The following KDM4B variants were observed in gnomAD, a reference collection of about 807,000 sequenced individuals.
KDM4B encodes lysine demethylase 4B.
In KDM4B, 32 loss-of-function variants were observed where a neutral mutation model predicts 125.2. The ratio of observed to expected loss-of-function variants is 0.26; its 90% CI spans 0.19 to 0.34. The LOEUF is 0.34. Ranked by LOEUF, KDM4B falls within the 10% of genes least tolerant of loss-of-function variation. KDM4B has a pLI of 1.00. For missense variants in KDM4B, 1,190 were observed against 1,577.7 expected, an observed-to-expected ratio of 0.75 and a Z score of 4.16; for synonymous variants, 721 against 677.9, an observed-to-expected ratio of 1.06 and a Z score of -0.99.
chr19:5,002,219 A>G lies in KDM4B; in HGVS notation c.-108-14038A>G, dbSNP rs557883530. Among the ~76,000 whole-genome samples, 7 of 152,340 alleles carry G rather than the reference A, an allele frequency of 4.6e-5. No individual in the cohort carries two copies. The South Asian group carries it at 8.3e-4, about 18-fold the overall frequency. On this transcript the variant is annotated intron_variant, in intron 1 of 22. Coordinates refer to ENST00000159111, the MANE Select transcript of KDM4B (RefSeq NM_015015.3). ...CGCCATGTTGGTCAGGCTGGTCTCAAAATCCTGACCTCAGGTGATTCACCG... is the reference window on the plus strand; with the variant it reads ...CGCCATGTTGGTCAGGCTGGTCTCAGAATCCTGACCTCAGGTGATTCACCG...
chr19:5,035,873 G>GTA lies in KDM4B; in HGVS notation c.141+2843_141+2844insAT, dbSNP rs2036602003. Among the ~76,000 whole-genome samples, 1 of 95,032 alleles carries GTA rather than the reference G, an allele frequency of 1.1e-5. No homozygotes were observed. Among genetic ancestry groups the GTA allele is most frequent in the Non-Finnish European group, 2.5e-5 (1 of 39,330 alleles). 62.3% of individuals were successfully genotyped at this position (95,032 alleles called of 152,430 possible). On this transcript the variant is annotated intron_variant, in intron 3 of 22. Coordinates refer to ENST00000159111, the MANE Select transcript of KDM4B (RefSeq NM_015015.3). This position sits in a 1 kb window ranked among gnomAD's most constrained non-coding sequence, Gnocchi z 5.3. ...TGTGTGCACGTGTCTCTGTGTGTGT[G>GTA]TGTGTGTGCGCGCGCGCGCGCGCCT...
chr19:5,046,336 C>T (rs552088440), intron 5 of KDM4B, among the ~76,000 whole-genome samples: 11 of 152,364 alleles, frequency 7.2e-5, no homozygotes, highest in East Asian at 3.9e-4. Context: ...GATGAATTTG[C>T]GCCCAGCTCA....
chr19:5,114,199 G>T lies in KDM4B; in HGVS notation c.1115+3381G>T. 1.6e-6 allele frequency: 2 copies of T among 1,289,688 alleles called. No individual in the cohort carries two copies. The highest frequency in any genetic ancestry group is 2.0e-6 in the Non-Finnish European group (2 of 988,844). The allele number at this position is 1,289,688 out of a possible 1,614,324, so 79.9% of individuals were successfully genotyped here. ...TGCAAACTCTTTCCACGCGAGAAGC[G>T]CCATGTGCACGTGCTCCAGCAGGTA... On this transcript the variant is annotated intron_variant, in intron 10 of 22. Transcript: ENST00000159111. This position sits in a 1 kb window ranked among gnomAD's most constrained non-coding sequence, Gnocchi z 5.8.
At chr19:5,097,913 G>A (rs777573854) in intron 9 of KDM4B, among the ~76,000 whole-genome samples, 1 of 152,224 alleles carries the variant, frequency 6.6e-6, no homozygotes, top group South Asian at 2.1e-4. Context: ...CAGAGCCGTC[G>A]TGGACCTGGG....
chr19:5,139,227 A>G (rs1486182261), intron 18 of KDM4B, among the ~76,000 whole-genome samples: 1 of 152,018 alleles, frequency 6.6e-6, no homozygotes, highest in African/African-American at 2.4e-5. Flanking sequence ...CATTTGGCAT[A>G]GTTTCCTCAA....
At chr19:5,083,917 A>G (rs1169405527) in intron 9 of KDM4B, among the ~76,000 whole-genome samples, 1 of 152,214 alleles carries the variant, frequency 6.6e-6, no homozygotes, top group Non-Finnish European at 1.5e-5. Flanking sequence ...CCACAGGGCC[A>G]GATCCGGATT....
In KDM4B at chr19:5,078,948, C is replaced by G. The variant is rs372057939; in HGVS notation, c.780+1478C>G. 3 of 152,144 alleles carry G rather than the reference C, an allele frequency of 2.0e-5. No homozygotes were observed. Among genetic ancestry groups the G allele is most frequent in the Admixed American group, 6.5e-5 (1 of 15,270 alleles). The allele number at this position is 152,144 out of a possible 1,614,324, so 9.4% of individuals were successfully genotyped here. The stretch of plus-strand genomic sequence containing the variant: ...TGCAGCGAACAGCACCCTGTGCCGC[C>G]CGGCCTGGGGACCGTCCTTCAGCCT... On this transcript the variant is annotated intron_variant, in intron 8 of 22. Transcript: ENST00000159111. The surrounding 1 kb of genome is among the most constrained non-coding windows in gnomAD (Gnocchi z 4.5).
At chr19:4,984,215 C>G (rs1330790354) in intron 1 of KDM4B, among the ~76,000 whole-genome samples, 1 of 152,194 alleles carries the variant, frequency 6.6e-6, no homozygotes, top group African/African-American at 2.4e-5. Flanking sequence ...GTGGCGCTGG[C>G]CAGGTTGGGC....
intron 1 of KDM4B, among the ~76,000 whole-genome samples, chr19:4,981,729 G>A (rs2034650045): frequency 6.6e-6 from 1 of 152,186 alleles, no homozygotes; most frequent in South Asian, 2.1e-4. Context: ...CTTCCCACCT[G>A]CTCTGCAGTG....
chr19:5,099,232 G>A (rs2038885417), intron 9 of KDM4B, among the ~76,000 whole-genome samples: 1 of 152,198 alleles, frequency 6.6e-6, no homozygotes, highest in Non-Finnish European at 1.5e-5. Context: ...GATGCTGAGA[G>A]GCCAAAGAAA....
intron 1 of KDM4B, among the ~76,000 whole-genome samples, chr19:5,005,964 GT>G (rs2035544026): frequency 6.6e-6 from 1 of 152,166 alleles, no homozygotes; most frequent in East Asian, 1.9e-4. Flanking sequence ...TCTCATCCCA[GT>G]GGTCTCGTGC....
chr19:4,986,860 A>G lies in KDM4B; in HGVS notation c.-109+17630A>G, dbSNP rs897567550. On this transcript the variant is annotated intron_variant, in intron 1 of 22. Coordinates refer to ENST00000159111, the MANE Select transcript of KDM4B (RefSeq NM_015015.3). ...AGCAGAGAGGACTGCAGGGGCACAG[A>G]GGCCGGAGCAGCAGTGCCTGCTGCC... Among the ~76,000 whole-genome samples, 4 of 152,246 alleles carry G rather than the reference A, an allele frequency of 2.6e-5. No homozygotes were observed. The East Asian group carries it at 7.7e-4, about 29-fold the overall frequency.
rs558312195 is a variant in KDM4B at position 5,009,889 on chromosome 19, G to A, written c.-108-6368G>A. On this transcript the variant is annotated intron_variant, in intron 1 of 22. Transcript: ENST00000159111. ...TGGGATTACAGGTGCCTTCCACTAC[G>A]CCTGGCTAACTTTTGTATTTTTAGT... Among the ~76,000 whole-genome samples the A allele has an allele frequency of 5.9e-5, 9 of 152,080 alleles. No homozygotes were observed. In the South Asian group the frequency reaches 1.2e-3, roughly 21 times the overall value.
intron 6 of KDM4B, among the ~76,000 whole-genome samples, chr19:5,062,797 T>A (rs951661173): frequency 2.2e-4 from 29 of 133,396 alleles, no homozygotes; most frequent in African/African-American, 7.4e-4. Flanking sequence ...TTTTTTTTTT[T>A]AGAGATAGAG....
At chr19:4,969,257 C>CGTGTCCGAGCGCGGACCCCGCCGCCATG (rs1568194686) in intron 1 of KDM4B, 27 bp downstream of exon 1, 1 of 147,156 alleles carries the variant, frequency 6.8e-6, no homozygotes, top group East Asian at 2.0e-4. Flanking sequence ...GCCGCCCGGC[C>CGTGTCCGAGCGCGGACCCCGCCGCCATG]GTGTCCGAGC....
intron 11 of KDM4B, among the ~76,000 whole-genome samples, chr19:5,127,364 G>T (rs1038710214): frequency 5.9e-5 from 9 of 152,208 alleles, no homozygotes; most frequent in Non-Finnish European, 1.0e-4. Context: ...GTCTTTCAGG[G>T]TGTCCTTCCT....
Position 5,137,986 on chromosome 19 carries a change from C to T in KDM4B, c.2466C>T (p.Ile822=), listed in dbSNP as rs200085263. ...GGTGGATCCACGTGATCTGTGCCAT[C>T]GCAGTCCCCGAGGCGCGCTTCCTGA... The part of the protein sequence containing the change: ...DRRWIHVICA[I]AVPEARFLNV... The change falls in exon 18 of 23, where the codon ATC becomes ATT. Residue 822 remains isoleucine, a synonymous_variant. Transcript: ENST00000159111. 1.2e-5 allele frequency: 19 copies of T among 1,612,566 alleles called. No individual in the cohort carries two copies. Among genetic ancestry groups the T allele is most frequent in the African/African-American group, 4.0e-5 (3 of 75,034 alleles).
intron 18 of KDM4B, among the ~76,000 whole-genome samples, chr19:5,139,491 A>C (rs1025466106): frequency 4.6e-5 from 7 of 152,138 alleles, no homozygotes; most frequent in African/African-American, 1.7e-4. Flanking sequence ...TGTTTTTAGC[A>C]CTGGAGGAAA....
At chr19:5,148,228 G>A (rs992324136) in intron 21 of KDM4B, among the ~76,000 whole-genome samples, 45 of 152,200 alleles carry the variant, frequency 3.0e-4, no homozygotes, top group Admixed American at 1.2e-3. Context: ...AGCAAACGCC[G>A]CCTTCAGAAC....
Sources: allele counts gnomAD v4.1 joint callset (sites outside exome capture counted in the v4.1 genomes callset), GRCh38; gene constraint gnomAD v4.1.1; non-coding constraint Gnocchi (gnomAD v3.1); transcripts MANE v1.5; gene names NCBI Gene and HGNC (gene_info 2026-07-23, HGNC 2026-07-21).